PANK1: variants seen among roughly 807,000 people sequenced by gnomAD.
PANK1 encodes pantothenate kinase 1.
PANK1 carries 18 observed loss-of-function variants against 40.1 expected under a neutral mutation model. The ratio of observed to expected loss-of-function variants is 0.45; its 90% CI spans 0.31 to 0.67. PANK1 has a LOEUF of 0.67. Ranked by LOEUF, PANK1 falls within the 30% of genes least tolerant of loss-of-function variation. The pLI is 0.06. For synonymous variants in PANK1, 242 were observed against 237.7 expected (o/e 1.02, Z -0.17); for missense variants, 457 against 599.6 (o/e 0.76, Z 2.48).
chr10:89,616,660 C>T (rs540633792), intron 1 of PANK1, among the ~76,000 whole-genome samples: 92 of 152,162 alleles, frequency 6.0e-4, no homozygotes, highest in African/African-American at 2.0e-3. Flanking sequence ...CGGTGGTTCA[C>T]GCCTGTAATC....
chr10:89,592,574 A>G (rs1250525919), intron 5 of PANK1, among the ~76,000 whole-genome samples: 1 of 152,202 alleles, frequency 6.6e-6, no homozygotes, highest in Non-Finnish European at 1.5e-5. Flanking sequence ...TGTCTTTCTA[A>G]TATACCTCAG....
At chr10:89,637,493 A>G (rs1841856325) in intron 1 of PANK1, among the ~76,000 whole-genome samples, 2 of 152,218 alleles carry the variant, frequency 1.3e-5, no homozygotes, top group African/African-American at 4.8e-5. Context: ...TACTATAGGC[A>G]ATTGTAACAA....
At chr10:89,601,089 T>C (rs1402395249) in intron 2 of PANK1, among the ~76,000 whole-genome samples, 1 of 152,104 alleles carries the variant, frequency 6.6e-6, no homozygotes, top group Admixed American at 6.6e-5. Flanking sequence ...ATTGTCATAA[T>C]GGGTACTGCT....
At chr10:89,586,753 C>T (rs1342206848) in intron 6 of PANK1, among the ~76,000 whole-genome samples, 2 of 152,174 alleles carry the variant, frequency 1.3e-5, no homozygotes, top group African/African-American at 4.8e-5. Flanking sequence ...CATTGCAGCA[C>T]TGCAGCATTG....
chr10:89,588,233 A>G (rs918655350), intron 6 of PANK1, among the ~76,000 whole-genome samples: 1 of 152,160 alleles, frequency 6.6e-6, no homozygotes, highest in Non-Finnish European at 1.5e-5. Context: ...GACACTTAGG[A>G]TAATTCCATA....
At chr10:89,626,558 C>T (rs1295042237) in intron 1 of PANK1, 2 of 152,356 alleles carry the variant, frequency 1.3e-5, no homozygotes, top group Admixed American at 6.5e-5. Context: ...CCCGCCTCAG[C>T]CTCCCAAAGT....
chr10:89,629,739 A>G (rs1430434305), intron 1 of PANK1, among the ~76,000 whole-genome samples: 2 of 152,164 alleles, frequency 1.3e-5, no homozygotes, highest in Admixed American at 6.5e-5. Flanking sequence ...TTATTTCTGT[A>G]CTTTATTTGG....
At chr10:89,639,936 T>C (rs1013048849) in intron 1 of PANK1, among the ~76,000 whole-genome samples, 8 of 152,242 alleles carry the variant, frequency 5.3e-5, no homozygotes, top group Non-Finnish European at 7.3e-5. Flanking sequence ...ACAGATTACA[T>C]GGACCTATCT....
At chr10:89,598,537 T>G (rs920109660) in intron 3 of PANK1, among the ~76,000 whole-genome samples, 1 of 152,208 alleles carries the variant, frequency 6.6e-6, no homozygotes, top group African/African-American at 2.4e-5. Flanking sequence ...CTCCTAGAAT[T>G]AAGGAAAACC....
intron 5 of PANK1, among the ~76,000 whole-genome samples, chr10:89,589,263 C>G (rs1844297498): frequency 6.6e-6 from 1 of 152,176 alleles, no homozygotes; most frequent in Admixed American, 6.5e-5. Flanking sequence ...AGAAAGAATA[C>G]TCAGTCTCTG....
At chr10:89,631,977 T>TGTGTGTGTGTG (rs769932277) in intron 1 of PANK1, among the ~76,000 whole-genome samples, 17 of 16,368 alleles carry the variant, frequency 1.0e-3, no homozygotes, top group East Asian at 8.7e-3. Context: ...TGTGTGTGTG[T>TGTGTGTGTGTG]TTTTTTTTTT....
At chr10:89,588,447 T>C (rs554757037) in intron 6 of PANK1, among the ~76,000 whole-genome samples, 95 of 150,796 alleles carry the variant, frequency 6.3e-4, no homozygotes, top group African/African-American at 2.1e-3. Context: ...TTTAAAAAAT[T>C]AAATTAACCA....
intron 1 of PANK1, among the ~76,000 whole-genome samples, chr10:89,632,817 A>C (rs954721459): frequency 1.3e-5 from 2 of 152,192 alleles, no homozygotes; most frequent in Admixed American, 6.5e-5. Context: ...ATGTGATTCC[A>C]AAGAAATTCT....
chr10:89,605,777 G>T lies in PANK1; in HGVS notation c.645+5919C>A, dbSNP rs375938220. On this transcript the variant is annotated intron_variant, in intron 2 of 6. Transcript: ENST00000307534. ...GAATCTTTTCCAGAGGTTTCTAATTGATTTTACCCAGATCCATCAAAGGAA... is the reference window on the plus strand; with the variant it reads ...GAATCTTTTCCAGAGGTTTCTAATTTATTTTACCCAGATCCATCAAAGGAA... Among the ~76,000 whole-genome samples, 89 of 152,010 alleles carry T rather than the reference G, an allele frequency of 5.9e-4. 1 individual carries two copies. The highest frequency in any genetic ancestry group is 2.1e-3 in the African/African-American group (88 of 41,444).
intron 1 of PANK1, among the ~76,000 whole-genome samples, chr10:89,630,902 C>T (rs1323307118): frequency 6.6e-6 from 1 of 152,220 alleles, no homozygotes; most frequent in East Asian, 1.9e-4. Flanking sequence ...TAGGCTGGCG[C>T]ATCCCTGTAG....
intron 1 of PANK1, among the ~76,000 whole-genome samples, chr10:89,633,405 A>G (rs11185823): frequency 0.017 from 2,534 of 152,260 alleles, 107 homozygotes; most frequent in South Asian, 0.15. Context: ...CCCTTTCTCA[A>G]AGTAAAAACC....
chr10:89,643,757 T>C, intron 1 of PANK1: 1 of 1,613,056 alleles, frequency 6.2e-7, no homozygotes, highest in South Asian at 1.1e-5. Context: ...ACCAGTTGAA[T>C]GAGCTTCAGT....
chr10:89,586,082 T>C (rs544805076), intron 6 of PANK1, among the ~76,000 whole-genome samples: 1 of 152,326 alleles, frequency 6.6e-6, no homozygotes, highest in African/African-American at 2.4e-5. Context: ...TGTTGGCTTT[T>C]ATTTCCTATC....
chr10:89,641,888 T>C (rs1479826052), intron 1 of PANK1, among the ~76,000 whole-genome samples: 1 of 152,140 alleles, frequency 6.6e-6, no homozygotes, highest in African/African-American at 2.4e-5. Flanking sequence ...CTCTGAAGTG[T>C]CATAGAATTC....
Sources: allele counts gnomAD v4.1 joint callset (sites outside exome capture counted in the v4.1 genomes callset), GRCh38; gene constraint gnomAD v4.1.1; transcripts MANE v1.5; gene names NCBI Gene and HGNC (gene_info 2026-07-23, HGNC 2026-07-21).